Variants in FAM53B observed in about 807,000 individuals in gnomAD.
FAM53B encodes family with sequence similarity 53 member B.
FAM53B carries 12 observed loss-of-function variants against 32.7 expected under a neutral mutation model. The ratio of observed to expected loss-of-function variants is 0.37; its 90% CI spans 0.24 to 0.59. FAM53B has a LOEUF of 0.59. Ranked by LOEUF, FAM53B falls within the 20% of genes least tolerant of loss-of-function variation. The pLI is 0.72. For missense variants in FAM53B, 477 were observed against 577.7 expected (o/e 0.83, Z 1.79); for synonymous variants, 234 against 228.7 (o/e 1.02, Z -0.21).
At chr10:124,625,583 C>T (rs374397814) in intron 4 of FAM53B, among the ~76,000 whole-genome samples, 5 of 152,292 alleles carry the variant, frequency 3.3e-5, no homozygotes, top group African/African-American at 4.8e-5. Flanking sequence ...CCAGGATCCT[C>T]GCCTGCCCCT....
intron 2 of FAM53B, among the ~76,000 whole-genome samples, chr10:124,701,052 G>A (rs915297295): frequency 1.3e-5 from 2 of 152,238 alleles, no homozygotes; most frequent in Non-Finnish European, 2.9e-5. Context: ...GAGGCTCTGG[G>A]ATTAGCCAAA....
chr10:124,636,729 A>G (rs1199150570), intron 4 of FAM53B, among the ~76,000 whole-genome samples: 1 of 151,802 alleles, frequency 6.6e-6, no homozygotes. Context: ...TTTGTCACCA[A>G]TGGTTCTGGG....
intron 3 of FAM53B, among the ~76,000 whole-genome samples, chr10:124,689,624 G>A (rs541703010): frequency 1.3e-5 from 2 of 152,234 alleles, no homozygotes; most frequent in Non-Finnish European, 1.5e-5. Context: ...GAAGGCAGGC[G>A]GGTCTGCAGG....
At chr10:124,643,001 T>C (rs2134045734) in intron 4 of FAM53B, among the ~76,000 whole-genome samples, 1 of 152,360 alleles carries the variant, frequency 6.6e-6, no homozygotes, top group Middle Eastern at 3.4e-3. Flanking sequence ...TCGTGGGACC[T>C]GTCGAGGCAG....
chr10:124,726,464 C>G (rs1003509158), intron 1 of FAM53B, among the ~76,000 whole-genome samples: 6 of 152,176 alleles, frequency 3.9e-5, no homozygotes, highest in African/African-American at 1.4e-4. Flanking sequence ...ATGCCCTGAC[C>G]AGTAGGTGAG....
chr10:124,708,697 T>G (rs1589758625), intron 1 of FAM53B, among the ~76,000 whole-genome samples: 1 of 152,220 alleles, frequency 6.6e-6, no homozygotes, highest in South Asian at 2.1e-4. Context: ...TCCTCAGTGG[T>G]GGAAGCCTAA....
intron 1 of FAM53B, among the ~76,000 whole-genome samples, chr10:124,743,195 C>G (rs1186690113): frequency 1.3e-5 from 2 of 152,336 alleles, no homozygotes; most frequent in South Asian, 4.1e-4. Context: ...ACAACACAAA[C>G]CGCAAACCCT....
chr10:124,628,521 G>A (rs1446186971), intron 4 of FAM53B, among the ~76,000 whole-genome samples: 1 of 152,292 alleles, frequency 6.6e-6, no homozygotes, highest in East Asian at 1.9e-4. Flanking sequence ...CTCACTTCCC[G>A]TTTCCTCCCC....
chr10:124,738,882 G>A (rs1273861082), intron 1 of FAM53B, among the ~76,000 whole-genome samples: 1 of 152,124 alleles, frequency 6.6e-6, no homozygotes, highest in East Asian at 1.9e-4. Flanking sequence ...TTTCCAGTGG[G>A]CTGCCAGGTT....
At chr10:124,739,806 G>A (rs891928872) in intron 1 of FAM53B, among the ~76,000 whole-genome samples, 2 of 152,106 alleles carry the variant, frequency 1.3e-5, no homozygotes, top group African/African-American at 2.4e-5. Context: ...AACCCCTGAC[G>A]TGATGTGAAA....
chr10:124,647,539 G>A (rs1415705140), intron 4 of FAM53B, among the ~76,000 whole-genome samples: 5 of 152,208 alleles, frequency 3.3e-5, no homozygotes, highest in African/African-American at 1.2e-4. Context: ...CCATTAGCAG[G>A]ACTGTCCTCA....
At position 124,622,971 on chromosome 10, in the gene FAM53B, T is replaced by C; in HGVS notation, c.*271A>G. The C allele has an allele frequency of 2.3e-6, 1 of 429,544 alleles. No individual in the cohort carries two copies. The highest frequency in any genetic ancestry group is 4.2e-6 in the Non-Finnish European group (1 of 240,648). The allele number at this position is 429,544 out of a possible 1,614,324, so 26.6% of individuals were successfully genotyped here. On this transcript the variant is annotated 3_prime_UTR_variant, in exon 5 of 5. Transcript: ENST00000337318. Reference sequence around the variant, plus strand: ...GGAAAGAGGCAGAAAAGACGCAAACTTCAAAGCTGTCCTCTGGGCTGCAGT... The same window carrying C: ...GGAAAGAGGCAGAAAAGACGCAAACCTCAAAGCTGTCCTCTGGGCTGCAGT...
chr10:124,727,062 A>C (rs545735437), intron 1 of FAM53B, among the ~76,000 whole-genome samples: 5 of 152,340 alleles, frequency 3.3e-5, no homozygotes, highest in African/African-American at 1.2e-4. Flanking sequence ...TCTGTCACCC[A>C]GGCTGGAGTG....
At chr10:124,730,880 A>C (rs1295606912) in intron 1 of FAM53B, among the ~76,000 whole-genome samples, 1 of 152,202 alleles carries the variant, frequency 6.6e-6, no homozygotes. Context: ...GCCAGGCAAT[A>C]AATATTTTAG....
chr10:124,690,330 C>T (rs192380692), intron 3 of FAM53B, among the ~76,000 whole-genome samples: 2 of 152,332 alleles, frequency 1.3e-5, no homozygotes, highest in Admixed American at 6.5e-5. Context: ...GGCTTCAGAA[C>T]GATGTCACAT....
intron 4 of FAM53B, among the ~76,000 whole-genome samples, chr10:124,658,116 A>G (rs1949606543): frequency 6.6e-6 from 1 of 152,246 alleles, no homozygotes; most frequent in African/African-American, 2.4e-5. Context: ...GTCAGTTCCC[A>G]GGCTCACCCA....
At chr10:124,644,142 A>G (rs1949495624) in intron 4 of FAM53B, among the ~76,000 whole-genome samples, 1 of 152,146 alleles carries the variant, frequency 6.6e-6, no homozygotes, top group Non-Finnish European at 1.5e-5. Context: ...TTGGGGGAAG[A>G]GGGTACCCAG....
chr10:124,635,285 G>T (rs1345006020), intron 4 of FAM53B, among the ~76,000 whole-genome samples: 1 of 152,070 alleles, frequency 6.6e-6, no homozygotes, highest in East Asian at 1.9e-4. Flanking sequence ...CAGAGACAGG[G>T]TTTTACTACA....
At chr10:124,702,925 C>G (rs1313116820) in intron 2 of FAM53B, among the ~76,000 whole-genome samples, 1 of 152,154 alleles carries the variant, frequency 6.6e-6, no homozygotes, top group African/African-American at 2.4e-5. Context: ...TTTAACAGGT[C>G]TGGCACCTCC....
Sources: allele counts gnomAD v4.1 joint callset (sites outside exome capture counted in the v4.1 genomes callset), GRCh38; gene constraint gnomAD v4.1.1; transcripts MANE v1.5; gene names NCBI Gene and HGNC (gene_info 2026-07-23, HGNC 2026-07-21).